Variants in RAP1GAP2 observed in about 807,000 individuals in gnomAD.
RAP1GAP2 encodes the protein RAP1 GTPase activating protein 2, also known as rap1 GTPase-activating protein 2.
A neutral mutation model predicts 95.0 loss-of-function variants in RAP1GAP2; 27 were observed. That is an observed-to-expected ratio of 0.28 (90% confidence interval 0.21 to 0.39). The LOEUF (loss-of-function observed/expected upper bound fraction) is 0.39, where lower values mean the gene tolerates loss of function less well. Among genes scored for constraint, RAP1GAP2 ranks in the 10% least tolerant of loss-of-function variants. RAP1GAP2 has a pLI of 1.00. For missense variants in RAP1GAP2, 771 were observed against 970.0 expected (o/e 0.79, Z 2.72); for synonymous variants, 373 against 380.9 (o/e 0.98, Z 0.24).
chr17:2,775,059 T>A (rs1466799329), upstream of RAP1GAP2, among the ~76,000 whole-genome samples: 1 of 151,206 alleles, frequency 6.6e-6, no homozygotes, highest in Non-Finnish European at 1.5e-5. Flanking sequence ...CTTGAACTCC[T>A]GACCTTAAAT....
rs193243797 is a variant in RAP1GAP2 at position 2,840,975 on chromosome 17, G to C, written c.80+40425G>C. Among the ~76,000 whole-genome samples the C allele has an allele frequency of 3.3e-5, 5 of 151,776 alleles. No individual in the cohort carries two copies. In the East Asian group the frequency reaches 9.9e-4, roughly 30 times the overall value. On this transcript the variant is annotated intron_variant, in intron 2 of 24. Transcript: ENST00000254695. ...ATTGCGCCACTGCACTCCAGCCTGG[G>C]TGACAGGGTGAGACCCTGTTTAAAA... is the stretch of plus-strand genomic sequence containing the variant.
intron 3 of RAP1GAP2, among the ~76,000 whole-genome samples, chr17:2,920,214 C>G (rs950552732): frequency 1.3e-5 from 2 of 152,166 alleles, no homozygotes; most frequent in Non-Finnish European, 2.9e-5. Flanking sequence ...CAGGGTCTCC[C>G]TGTGTTCCTA....
chr17:2,905,476 G>A (rs1471640219), intron 3 of RAP1GAP2, 108 bp downstream of exon 3: 29 of 1,103,208 alleles, frequency 2.6e-5, no homozygotes, highest in Non-Finnish European at 3.7e-5. Context: ...CAGTGGGGCT[G>A]TGGAGTGTCC....
chr17:2,930,082 T>C (rs981027040), intron 3 of RAP1GAP2, among the ~76,000 whole-genome samples: 2 of 152,252 alleles, frequency 1.3e-5, no homozygotes, highest in Admixed American at 6.5e-5. Context: ...GAAAGGCTCC[T>C]GGAAGGGTGT....
chr17:2,964,762 T>C (rs2044516532), intron 7 of RAP1GAP2: 1 of 152,660 alleles, frequency 6.6e-6, no homozygotes, highest in South Asian at 2.1e-4. Flanking sequence ...TACTGCATAG[T>C]GTCTGCGAGC....
At chr17:3,013,030 G>A (rs939651440) in intron 17 of RAP1GAP2, among the ~76,000 whole-genome samples, 2 of 152,194 alleles carry the variant, frequency 1.3e-5, no homozygotes, top group East Asian at 1.9e-4. Context: ...GCAGAGGACC[G>A]GGGAGGAGAA....
chr17:2,939,452 C>T (rs986602296), intron 3 of RAP1GAP2, among the ~76,000 whole-genome samples: 7 of 152,212 alleles, frequency 4.6e-5, no homozygotes, highest in Non-Finnish European at 8.8e-5. Context: ...GGGAATGCCT[C>T]GAAAGATGCA....
At position 2,969,496 on chromosome 17, in the gene RAP1GAP2, C is replaced by CTTTTTTTTTTTTTTTTTTTTTTTT. The variant is rs34468461; in HGVS notation, c.596+3876_596+3877insTTTTTTTTTTTTTTTTTTTTTTTT. On this transcript the variant is annotated intron_variant, in intron 8 of 24. Coordinates refer to ENST00000254695, the MANE Select transcript of RAP1GAP2 (RefSeq NM_015085.5). Reference sequence around the variant, plus strand: ...GTAAAGATGTGTAAATATATATATTCTTTTTTTTTTTTTTTTTTTTTTTGA... The same window carrying CTTTTTTTTTTTTTTTTTTTTTTTT: ...GTAAAGATGTGTAAATATATATATTCTTTTTTTTTTTTTTTTTTTTTTTTTTTTTTTTTTTTTTTTTTTTTTTGA... Among the ~76,000 whole-genome samples the CTTTTTTTTTTTTTTTTTTTTTTTT allele has an allele frequency of 9.5e-5, 8 of 83,782 alleles. 1 individual carries two copies. The highest frequency in any genetic ancestry group is 3.2e-4 in the African/African-American group (7 of 21,968). The allele number at this position is 83,782 out of a possible 152,430, so 55.0% of individuals were successfully genotyped here. A position where few individuals can be genotyped will look rare whatever the true frequency, so the allele number is the denominator to read the frequency against.
intron 2 of RAP1GAP2, among the ~76,000 whole-genome samples, chr17:2,881,358 G>C (rs1567737566): frequency 6.6e-6 from 1 of 152,170 alleles, no homozygotes; most frequent in Non-Finnish European, 1.5e-5. Context: ...TTGGATTTCA[G>C]CTTTTTGGAT....
chr17:2,967,902 C>G (rs2044687406), intron 8 of RAP1GAP2, among the ~76,000 whole-genome samples: 1 of 152,142 alleles, frequency 6.6e-6, no homozygotes, highest in African/African-American at 2.4e-5. Context: ...TTCTAACAGC[C>G]TGTGTGTGCC....
chr17:2,918,102 A>G (rs545489572), intron 3 of RAP1GAP2, among the ~76,000 whole-genome samples: 62 of 152,134 alleles, frequency 4.1e-4, no homozygotes, highest in African/African-American at 1.4e-3. Context: ...CCTGTCTCCC[A>G]TTGCTCTAAA....
At chr17:3,007,617 G>A (rs1385021456) in intron 16 of RAP1GAP2, among the ~76,000 whole-genome samples, 1 of 152,180 alleles carries the variant, frequency 6.6e-6, no homozygotes, top group Non-Finnish European at 1.5e-5. Flanking sequence ...TGTGTGAATA[G>A]CGGCCCCTGG....
chr17:2,944,617 A>G (rs28875942), intron 3 of RAP1GAP2, among the ~76,000 whole-genome samples: 4,826 of 152,218 alleles, frequency 0.032, 253 homozygotes, highest in African/African-American at 0.11. Flanking sequence ...AGTATTCTGG[A>G]TGGAATTTCC....
At position 2,866,600 on chromosome 17, in the gene RAP1GAP2, T is replaced by C. The variant is rs978005096; in HGVS notation, c.81-38684T>C. Among the ~76,000 whole-genome samples, 11 of 152,174 alleles carry C rather than the reference T, an allele frequency of 7.2e-5. No homozygotes were observed. The highest frequency in any genetic ancestry group is 2.7e-4 in the African/African-American group (11 of 41,450). On this transcript the variant is annotated intron_variant, in intron 2 of 24. Transcript: ENST00000254695. This position sits in a 1 kb window ranked among gnomAD's most constrained non-coding sequence, Gnocchi z 4.0. The stretch of plus-strand genomic sequence containing the variant: ...ATTGGTAATTTATTTTATTTATTTA[T>C]TTTATTTTATTATTTTTTGAGGCAG...
At chr17:2,849,528 C>T (rs962997251) in intron 2 of RAP1GAP2, among the ~76,000 whole-genome samples, 5 of 152,226 alleles carry the variant, frequency 3.3e-5, no homozygotes, top group African/African-American at 1.2e-4. Flanking sequence ...CCCACTGGCC[C>T]CTCAGGAACG....
intron 8 of RAP1GAP2, among the ~76,000 whole-genome samples, chr17:2,968,144 C>G (rs1481109638): frequency 1.3e-5 from 2 of 152,046 alleles, no homozygotes; most frequent in Admixed American, 1.3e-4. Flanking sequence ...GAATTTTCCA[C>G]AAACCTCTAG....
chr17:3,017,628 G>A (rs1228930459), intron 17 of RAP1GAP2, among the ~76,000 whole-genome samples: 1 of 152,248 alleles, frequency 6.6e-6, no homozygotes, highest in African/African-American at 2.4e-5. Flanking sequence ...CCACCACGAT[G>A]CTGGGTGTGA....
At chr17:2,858,546 A>AT (rs1396576727) in intron 2 of RAP1GAP2, among the ~76,000 whole-genome samples, 1 of 152,140 alleles carries the variant, frequency 6.6e-6, no homozygotes, top group Non-Finnish European at 1.5e-5. Flanking sequence ...CCACAAGATT[A>AT]TTTTTTTGAA....
chr17:2,972,165 G>A lies in RAP1GAP2; in HGVS notation c.596+6522G>A, dbSNP rs374664642. On this transcript the variant is annotated intron_variant, in intron 8 of 24. Coordinates refer to ENST00000254695, the MANE Select transcript of RAP1GAP2 (RefSeq NM_015085.5). Reference sequence around the variant, plus strand: ...AAGAAACCTGAACAAACCGGTAACTGTGGAAGAAATTGAAAAAGTTCTCAA... The same window carrying A: ...AAGAAACCTGAACAAACCGGTAACTATGGAAGAAATTGAAAAAGTTCTCAA... Among the ~76,000 whole-genome samples the A allele has an allele frequency of 4.3e-4, 65 of 152,284 alleles. 1 individual carries two copies. Among genetic ancestry groups the A allele is most frequent in the Middle Eastern group, 3.4e-3 (1 of 294 alleles).
Sources: allele counts gnomAD v4.1 joint callset (sites outside exome capture counted in the v4.1 genomes callset), GRCh38; gene constraint gnomAD v4.1.1; non-coding constraint Gnocchi (gnomAD v3.1); transcripts MANE v1.5; gene names NCBI Gene and HGNC (gene_info 2026-07-23, HGNC 2026-07-21).